Variants in ABHD2 observed in about 807,000 individuals in gnomAD.
ABHD2 encodes monoacylglycerol lipase ABHD2.
ABHD2 carries 20 observed loss-of-function variants against 48.1 expected under a neutral mutation model. The ratio of observed to expected loss-of-function variants is 0.42; its 90% CI spans 0.29 to 0.60. The LOEUF (loss-of-function observed/expected upper bound fraction) is 0.60. Among genes scored for constraint, ABHD2 ranks in the 20% least tolerant of loss-of-function variants. The pLI, the probability that ABHD2 is intolerant of heterozygous loss-of-function variation, is 0.24. For missense variants in ABHD2, 405 were observed against 550.9 expected (o/e 0.74, Z 2.65); for synonymous variants, 209 against 214.2 (o/e 0.98, Z 0.21).
In ABHD2 at chr15:89,164,100, T is replaced by C. The variant is rs940172673; in HGVS notation, c.538+8566T>C. ...ACCTGTGGGTTTGGTCTTTGATCTTTTGTTCAGCCAGCATCCTCCAGACAA... is the reference window on the plus strand; with the variant it reads ...ACCTGTGGGTTTGGTCTTTGATCTTCTGTTCAGCCAGCATCCTCCAGACAA... On this transcript the variant is annotated intron_variant, in intron 5 of 10. Coordinates refer to ENST00000352732, the MANE Select transcript of ABHD2 (RefSeq NM_152924.5). The surrounding 1 kb of genome is among the most constrained non-coding windows in gnomAD (Gnocchi z 5.0). Among the ~76,000 whole-genome samples the C allele has an allele frequency of 6.6e-6, 1 of 152,170 alleles. No homozygotes were observed. Among genetic ancestry groups the C allele is most frequent in the Non-Finnish European group, 1.5e-5 (1 of 68,032 alleles).
Position 89,094,666 on chromosome 15 carries a change from C to T in ABHD2, c.-107+6103C>T, listed in dbSNP as rs1308496797. On this transcript the variant is annotated intron_variant, in intron 1 of 10. Transcript: ENST00000352732. This position sits in a 1 kb window ranked among gnomAD's most constrained non-coding sequence, Gnocchi z 4.7. ...GAGGCTGCCGTGAGCCAAGATCGCACCACTGCACTCCAGCCTGGGCGGCAG... is the reference window on the plus strand; with the variant it reads ...GAGGCTGCCGTGAGCCAAGATCGCATCACTGCACTCCAGCCTGGGCGGCAG... Among the ~76,000 whole-genome samples, 1 of 152,086 alleles carries T rather than the reference C, an allele frequency of 6.6e-6. No individual in the cohort carries two copies. The highest frequency in any genetic ancestry group is 1.5e-5 in the Non-Finnish European group (1 of 68,020).
chr15:89,071,206 G>A, the ABHD2 span, among the ~76,000 whole-genome samples: 2 of 152,110 alleles, frequency 1.3e-5, no homozygotes, highest in Non-Finnish European at 1.5e-5. Flanking sequence ...GATCACCTGA[G>A]GTCAGGAGTT....
rs1435222507 is a variant in ABHD2, at chr15:89,094,700, T to G, written c.-107+6137T>G. ...TCCAGCCTGGGCGGCAGAGCAAGAC[T>G]CCGTCTCAAAACAGCAACAACAACA... On this transcript the variant is annotated intron_variant, in intron 1 of 10. Transcript: ENST00000352732. The surrounding 1 kb of genome is among the most constrained non-coding windows in gnomAD (Gnocchi z 4.7). Among the ~76,000 whole-genome samples the G allele has an allele frequency of 6.6e-6, 1 of 151,596 alleles. No homozygotes were observed. The highest frequency in any genetic ancestry group is 1.9e-4 in the East Asian group (1 of 5,148).
At chr15:89,066,977 G>A in the ABHD2 span, among the ~76,000 whole-genome samples, 17 of 152,152 alleles carry the variant, frequency 1.1e-4, no homozygotes, top group East Asian at 3.8e-4. Context: ...ATAAACAAGC[G>A]GCAGAAAGTC....
intron 5 of ABHD2, among the ~76,000 whole-genome samples, chr15:89,156,551 A>G (rs1368053525): frequency 6.6e-6 from 1 of 152,076 alleles, no homozygotes; most frequent in Admixed American, 6.6e-5. Flanking sequence ...GTTCAAGACA[A>G]GCCTGGCAAT....
chr15:89,131,328 C>A (rs1196270492), intron 3 of ABHD2, among the ~76,000 whole-genome samples: 1 of 152,210 alleles, frequency 6.6e-6, no homozygotes, highest in Admixed American at 6.5e-5. Context: ...ACCTGGAATC[C>A]CTTCATACCT....
chr15:89,054,987 A>G, the ABHD2 span, among the ~76,000 whole-genome samples: 1 of 152,096 alleles, frequency 6.6e-6, no homozygotes, highest in African/African-American at 2.4e-5. Flanking sequence ...GTAACTCGGG[A>G]GGCTGAGGTT....
chr15:89,151,624 G>T lies in ABHD2; in HGVS notation c.195-53G>T. 1 of 1,549,744 alleles carries T rather than the reference G, an allele frequency of 6.5e-7. No individual in the cohort carries two copies. Among genetic ancestry groups the T allele is most frequent in the South Asian group, 1.2e-5 (1 of 82,342 alleles). ...AAGAGTTTTGCTAAAAGATTTTTCA[G>T]AACGTTGCTCAAGGAATGTAGAGAA... On this transcript the variant is annotated intron_variant, in intron 3 of 10. Transcript: ENST00000352732. The surrounding 1 kb of genome is among the most constrained non-coding windows in gnomAD (Gnocchi z 4.7).
At chr15:89,112,056 C>T (rs985311761) in intron 1 of ABHD2, among the ~76,000 whole-genome samples, 5 of 152,166 alleles carry the variant, frequency 3.3e-5, no homozygotes, top group African/African-American at 7.2e-5. Context: ...CAGATGCTTA[C>T]GGGGACCATT....
At position 89,114,251 on chromosome 15, in the gene ABHD2, G is replaced by T. The variant is rs2049920730; in HGVS notation, c.-7+427G>T. 6.6e-6 allele frequency among the ~76,000 whole-genome samples: 1 copy of T among 152,158 alleles called. No individual in the cohort carries two copies. The stretch of plus-strand genomic sequence containing the variant: ...GTGCTATGTACTTTTTTAGGCCACA[G>T]ACCCTTTTTAGAGAATCTGATTAAA... On this transcript the variant is annotated intron_variant, in intron 2 of 10. Coordinates refer to ENST00000352732, the MANE Select transcript of ABHD2 (RefSeq NM_152924.5). This position sits in a 1 kb window ranked among gnomAD's most constrained non-coding sequence, Gnocchi z 4.2.
chr15:89,111,729 G>A (rs1320234139), intron 1 of ABHD2, among the ~76,000 whole-genome samples: 1 of 152,170 alleles, frequency 6.6e-6, no homozygotes. Context: ...AAGCCAGAAA[G>A]CATTCACCAG....
At chr15:89,052,614 G>T in the ABHD2 span, among the ~76,000 whole-genome samples, 1 of 151,786 alleles carries the variant, frequency 6.6e-6, no homozygotes. Context: ...ATGTGAAGAT[G>T]AGGGCAGAGA....
rs762295281 is a variant in ABHD2 at position 89,151,825 on chromosome 15, G to A, written c.343G>A (p.Glu115Lys). Residue 115 changes from glutamate (E) to lysine (K), a missense_variant, in exon 4 of 11, where the codon GAG becomes AAG. Physicochemically the swap from Glu to Lys is moderately conservative, Grantham distance 56. Coordinates refer to ENST00000352732, the MANE Select transcript of ABHD2 (RefSeq NM_152924.5). This position sits in a 1 kb window ranked among gnomAD's most constrained non-coding sequence, Gnocchi z 4.7. The part of the protein sequence containing the change: ...DGATSTFDLF[E>K]PLAEHCVGDD... ...AGCCACTTCTACATTCGACCTCTTC[G>A]AGCCCTTGGCTGAGCACTGTGTTGG... 3 of 1,614,148 alleles carry A rather than the reference G, an allele frequency of 1.9e-6. No individual in the cohort carries two copies. Among genetic ancestry groups the A allele is most frequent in the South Asian group, 1.1e-5 (1 of 91,076 alleles).
intron 1 of ABHD2, among the ~76,000 whole-genome samples, chr15:89,110,114 C>T (rs2049849780): frequency 6.6e-6 from 1 of 151,902 alleles, no homozygotes; most frequent in Admixed American, 6.6e-5. Context: ...GACGGACTCT[C>T]ACTCTGTTGC....
At chr15:89,170,379 C>G (rs562186579) in intron 5 of ABHD2, among the ~76,000 whole-genome samples, 93 of 152,050 alleles carry the variant, frequency 6.1e-4, no homozygotes, top group African/African-American at 2.1e-3. Flanking sequence ...TTACAAGCAT[C>G]AGCCACCGCG....
At chr15:89,161,842 G>A (rs1284067069) in intron 5 of ABHD2, among the ~76,000 whole-genome samples, 1 of 152,208 alleles carries the variant, frequency 6.6e-6, no homozygotes, top group Non-Finnish European at 1.5e-5. Flanking sequence ...ACCACAGTGG[G>A]CGTGGCTTAT....
upstream of ABHD2, among the ~76,000 whole-genome samples, chr15:89,086,756 T>A (rs1014335660): frequency 2.0e-5 from 3 of 152,248 alleles, no homozygotes; most frequent in African/African-American, 7.2e-5. Flanking sequence ...AGTTAACATA[T>A]GCATTACCTT....
intron 3 of ABHD2, among the ~76,000 whole-genome samples, chr15:89,127,172 C>G (rs1480728481): frequency 6.6e-6 from 1 of 152,000 alleles, no homozygotes; most frequent in Non-Finnish European, 1.5e-5. Flanking sequence ...CACGGTGAGC[C>G]ATGGAAATGA....
In ABHD2 at chr15:89,198,556, T is replaced by C. The variant is rs1472201115; in HGVS notation, c.*3133T>C. ...TTAACCTCTCTGCAGCATTTTACAC[T>C]TACTGGGAACCTTATGATTCACCGT... On this transcript the variant is annotated 3_prime_UTR_variant, in exon 11 of 11. Transcript: ENST00000352732. The surrounding 1 kb of genome is among the most constrained non-coding windows in gnomAD (Gnocchi z 5.1). 1 of 152,236 alleles carries C rather than the reference T, an allele frequency of 6.6e-6. No individual in the cohort carries two copies. Among genetic ancestry groups the C allele is most frequent in the Non-Finnish European group, 1.5e-5 (1 of 68,046 alleles). The allele number at this position is 152,236 out of a possible 1,614,324, so 9.4% of individuals were successfully genotyped here.
Sources: allele counts gnomAD v4.1 joint callset (sites outside exome capture counted in the v4.1 genomes callset), GRCh38; gene constraint gnomAD v4.1.1; non-coding constraint Gnocchi (gnomAD v3.1); transcripts MANE v1.5; gene names NCBI Gene and HGNC (gene_info 2026-07-23, HGNC 2026-07-21).